VPS13B: variants seen among roughly 807,000 people sequenced by gnomAD.
The protein encoded by VPS13B is vacuolar protein sorting 13 homolog B, also known as intermembrane lipid transfer protein VPS13B.
Under a neutral mutation model 426.4 loss-of-function variants are expected in VPS13B, and 285 were observed. The observed-to-expected ratio is 0.67, with a 90% CI of 0.61 to 0.74. VPS13B has a LOEUF of 0.74. Ranked by LOEUF, VPS13B falls within the 30% of genes least tolerant of loss-of-function variation. The pLI is 0.00. For missense variants in VPS13B, 4,537 were observed against 4,782.6 expected (o/e 0.95, Z 1.51); for synonymous variants, 1,676 against 1,676.4 (o/e 1.00, Z 0.01).
chr8:99,419,508 T>C (rs1816258645), intron 21 of VPS13B, among the ~76,000 whole-genome samples: 1 of 152,210 alleles, frequency 6.6e-6, no homozygotes. Flanking sequence ...ATGATCTGAG[T>C]TTGCAAGGCT....
At chr8:99,257,230 T>G (rs1019947106) in intron 17 of VPS13B, among the ~76,000 whole-genome samples, 1 of 152,146 alleles carries the variant, frequency 6.6e-6, no homozygotes, top group African/African-American at 2.4e-5. Context: ...GCCCTAAACT[T>G]AAGTGAGAAA....
At chr8:99,456,237 C>T (rs539409387) in intron 23 of VPS13B, among the ~76,000 whole-genome samples, 39 of 152,234 alleles carry the variant, frequency 2.6e-4, no homozygotes, top group African/African-American at 8.9e-4. Context: ...GGCACAATCT[C>T]GGCTCACTGC....
chr8:99,851,464 G>T (rs1304267515), intron 55 of VPS13B, among the ~76,000 whole-genome samples: 1 of 152,178 alleles, frequency 6.6e-6, no homozygotes, highest in African/African-American at 2.4e-5. Context: ...TGAAAACAGA[G>T]CTCAGTAAGA....
At chr8:99,539,540 G>C (rs1193620371) in intron 30 of VPS13B, among the ~76,000 whole-genome samples, 1 of 152,058 alleles carries the variant, frequency 6.6e-6, no homozygotes, top group Non-Finnish European at 1.5e-5. Flanking sequence ...GAGGCCAGGG[G>C]TTTGATACCA....
At chr8:99,648,654 G>C (rs1042688468) in intron 34 of VPS13B, among the ~76,000 whole-genome samples, 15 of 151,938 alleles carry the variant, frequency 9.9e-5, no homozygotes, top group Non-Finnish European at 5.9e-5. Context: ...AACTACATAG[G>C]TTCCTTTACT....
chr8:99,204,305 T>G (rs1426300762), intron 17 of VPS13B, among the ~76,000 whole-genome samples: 1 of 152,238 alleles, frequency 6.6e-6, no homozygotes, highest in Non-Finnish European at 1.5e-5. Flanking sequence ...TGGCTAGCCT[T>G]ATGCAGAAAA....
At chr8:99,403,580 G>C (rs1169627925) in intron 21 of VPS13B, among the ~76,000 whole-genome samples, 1 of 151,856 alleles carries the variant, frequency 6.6e-6, no homozygotes, top group African/African-American at 2.4e-5. Context: ...TAATTGAAGA[G>C]GATTTTGCTT....
chr8:99,255,856 A>G (rs762840285), intron 17 of VPS13B, among the ~76,000 whole-genome samples: 1 of 152,136 alleles, frequency 6.6e-6, no homozygotes, highest in African/African-American at 2.4e-5. Flanking sequence ...GGAGGGGCAT[A>G]GTCTTACTTC....
Position 99,450,570 on chromosome 8 carries a change from G to A in VPS13B, c.3445+7935G>A, listed in dbSNP as rs569235356. On this transcript the variant is annotated intron_variant, in intron 23 of 61. Coordinates refer to ENST00000357162, the MANE Select transcript of VPS13B (RefSeq NM_152564.5). ...TCTACTAAAATACAAAAAATTAGCC[G>A]GGCATGGTGGCGTGCGCCTGTAGTC... 5.9e-5 allele frequency among the ~76,000 whole-genome samples: 9 copies of A among 152,158 alleles called. No homozygotes were observed. The South Asian group carries it at 8.3e-4, about 14-fold the overall frequency.
intron 14 of VPS13B, among the ~76,000 whole-genome samples, chr8:99,149,051 A>G (rs971786381): frequency 6.6e-6 from 1 of 152,230 alleles, no homozygotes; most frequent in Admixed American, 6.5e-5. Flanking sequence ...AGGATATTCT[A>G]CCAAGGTCTG....
intron 17 of VPS13B, among the ~76,000 whole-genome samples, chr8:99,273,567 C>T (rs903773036): frequency 2.0e-5 from 3 of 151,952 alleles, no homozygotes; most frequent in African/African-American, 7.2e-5. Context: ...GGTGGATCAC[C>T]TGAGGTCAGG....
intron 17 of VPS13B, among the ~76,000 whole-genome samples, chr8:99,244,463 G>A (rs1396977373): frequency 6.6e-6 from 1 of 152,136 alleles, no homozygotes; most frequent in African/African-American, 2.4e-5. Flanking sequence ...GCTTTACTAA[G>A]TAGATTTTAA....
chr8:99,066,653 G>A (rs1156614980), intron 3 of VPS13B, among the ~76,000 whole-genome samples: 1 of 152,094 alleles, frequency 6.6e-6, no homozygotes, highest in Non-Finnish European at 1.5e-5. Context: ...TAGAGAAATG[G>A]GATCTAATTA....
In VPS13B at chr8:99,434,401, T is replaced by C. The variant is rs116012484; in HGVS notation, c.3210+2737T>C. ...GCTTTTTGAGACCATAATTCAAGTA[T>C]TTAACTAAGCCATACCAAGATTATT... On this transcript the variant is annotated intron_variant, in intron 22 of 61. Coordinates refer to ENST00000357162, the MANE Select transcript of VPS13B (RefSeq NM_152564.5). Among the ~76,000 whole-genome samples the C allele has an allele frequency of 5.5e-3, 839 of 152,300 alleles. 8 individuals carry two copies. Among genetic ancestry groups the C allele is most frequent in the African/African-American group, 0.019 (805 of 41,572 alleles).
chr8:99,650,811 T>C (rs917742525), intron 34 of VPS13B, among the ~76,000 whole-genome samples: 1 of 152,172 alleles, frequency 6.6e-6, no homozygotes, highest in Non-Finnish European at 1.5e-5. Context: ...TGGCCCTCAG[T>C]ATTCATGGGT....
chr8:99,656,987 A>G (rs1320730247), intron 34 of VPS13B, among the ~76,000 whole-genome samples: 2 of 152,198 alleles, frequency 1.3e-5, no homozygotes, highest in East Asian at 1.9e-4. Context: ...AAATTCAGGC[A>G]TACTTTAAAA....
intron 16 of VPS13B, among the ~76,000 whole-genome samples, chr8:99,171,155 A>G (rs1588111069): frequency 3.3e-5 from 5 of 152,052 alleles, no homozygotes; most frequent in Admixed American, 1.3e-4. Context: ...TTATTAAATG[A>G]TAATTCTTAA....
At chr8:99,714,138 CAAAAAAAAA>C (rs1166159886) in intron 36 of VPS13B, among the ~76,000 whole-genome samples, 1 of 65,150 alleles carries the variant, frequency 1.5e-5, no homozygotes, top group Non-Finnish European at 3.1e-5. Context: ...GACTCTGTCT[CAAAAAAAAA>C]AAAAAAAAAA....
chr8:99,568,545 C>T (rs963308966), intron 31 of VPS13B, among the ~76,000 whole-genome samples: 4 of 152,056 alleles, frequency 2.6e-5, no homozygotes, highest in African/African-American at 4.8e-5. Flanking sequence ...CCCACCTCGG[C>T]CTCCCAAAGT....
Sources: gnomAD v4.1 joint callset for allele counts (sites outside exome capture counted in the v4.1 genomes callset) on GRCh38, gnomAD v4.1.1 for gene constraint, MANE v1.5 for transcripts, NCBI Gene and HGNC (gene_info 2026-07-23, HGNC 2026-07-21) for gene names.